The following PRKN variants were observed in gnomAD, a reference collection of about 807,000 sequenced individuals.
PRKN encodes E3 ubiquitin-protein ligase parkin.
Under a neutral mutation model 59.5 loss-of-function variants are expected in PRKN, and 56 were observed. The observed-to-expected ratio is 0.94, with a 90% confidence interval of 0.76 to 1.18. The LOEUF (loss-of-function observed/expected upper bound fraction) is 1.18, where lower values mean the gene tolerates loss of function less well. Ranked by LOEUF, PRKN falls within the 50% of genes most tolerant of loss-of-function variation. PRKN has a pLI of 0.00. For synonymous variants in PRKN, 250 were observed against 222.1 expected (o/e 1.13, Z -1.12); for missense variants, 657 against 596.4 (o/e 1.10, Z -1.06).
At chr6:161,930,586 G>T (rs182435980) in intron 6 of PRKN, among the ~76,000 whole-genome samples, 1 of 152,300 alleles carries the variant, frequency 6.6e-6, no homozygotes, top group Admixed American at 6.5e-5. Flanking sequence ...ATGTATTGCT[G>T]AATAATCCTG....
chr6:161,652,043 A>G (rs1784168202), intron 7 of PRKN, among the ~76,000 whole-genome samples: 1 of 152,194 alleles, frequency 6.6e-6, no homozygotes, highest in Non-Finnish European at 1.5e-5. Context: ...TTCATCCCTC[A>G]TCTTATTATC....
chr6:162,533,909 T>A (rs1467355866), intron 1 of PRKN, among the ~76,000 whole-genome samples: 2 of 147,456 alleles, frequency 1.4e-5, no homozygotes, highest in African/African-American at 5.0e-5. Flanking sequence ...AGGCAGAGGT[T>A]GCAGTGAGCC....
At chr6:162,424,486 A>T (rs1387959220) in intron 2 of PRKN, among the ~76,000 whole-genome samples, 3 of 152,126 alleles carry the variant, frequency 2.0e-5, no homozygotes. Context: ...TTGTAATCCC[A>T]GCACTTTGGG....
Position 161,518,772 on chromosome 6 carries a change from CCT to C in PRKN, c.1083+30080_1083+30081del, listed in dbSNP as rs1778710785. On this transcript the variant is annotated intron_variant, in intron 9 of 11. Transcript: ENST00000366898. The surrounding 1 kb of genome is among the most constrained non-coding windows in gnomAD (Gnocchi z 5.0). ...GATACTTGGCTATGCATCCCATCCA[CCT>C]CTAGCAGCCCCTGGCAGCTGCCTTG... is the stretch of plus-strand genomic sequence containing the variant. Among the ~76,000 whole-genome samples, 1 of 152,172 alleles carries C rather than the reference CCT, an allele frequency of 6.6e-6. No individual in the cohort carries two copies. The highest frequency in any genetic ancestry group is 2.4e-5 in the African/African-American group (1 of 41,448).
At chr6:161,668,841 C>T (rs1784812000) in intron 7 of PRKN, among the ~76,000 whole-genome samples, 2 of 152,178 alleles carry the variant, frequency 1.3e-5, no homozygotes, top group African/African-American at 4.8e-5. Context: ...CTGTCTATCT[C>T]ACCCACATCC....
In PRKN at chr6:161,458,488, C is replaced by T. The variant is rs1407520914; in HGVS notation, c.1084-71611G>A. On this transcript the variant is annotated intron_variant, in intron 9 of 11. Coordinates refer to ENST00000366898, the MANE Select transcript of PRKN (RefSeq NM_004562.3). The surrounding 1 kb of genome is among the most constrained non-coding windows in gnomAD (Gnocchi z 6.1). ...GGCTGCCTGTCTCCTAAAATGTCTG[C>T]ATGCTGTTTACTGCAGAGCCAGTGT... 6.6e-6 allele frequency among the ~76,000 whole-genome samples: 1 copy of T among 152,168 alleles called. No homozygotes were observed. Among genetic ancestry groups the T allele is most frequent in the Non-Finnish European group, 1.5e-5 (1 of 68,042 alleles).
At chr6:162,600,955 CG>C (rs1302986230) in intron 1 of PRKN, among the ~76,000 whole-genome samples, 2 of 152,082 alleles carry the variant, frequency 1.3e-5, no homozygotes, top group Non-Finnish European at 2.9e-5. Context: ...TTTATAGTAG[CG>C]TAAGAATGGA....
At chr6:162,671,267 G>A (rs896343459) in intron 1 of PRKN, among the ~76,000 whole-genome samples, 8 of 152,076 alleles carry the variant, frequency 5.3e-5, no homozygotes, top group South Asian at 2.1e-4. Flanking sequence ...TTGGGAGGCC[G>A]AGGCGGGTGG....
chr6:162,231,887 A>C (rs1161437850), intron 3 of PRKN, among the ~76,000 whole-genome samples: 1 of 152,170 alleles, frequency 6.6e-6, no homozygotes, highest in Non-Finnish European at 1.5e-5. Context: ...AAGGAAATGC[A>C]GTGCTCTGTA....
At chr6:162,009,060 C>T (rs546468335) in intron 5 of PRKN, among the ~76,000 whole-genome samples, 26 of 151,954 alleles carry the variant, frequency 1.7e-4, no homozygotes, top group South Asian at 1.2e-3. Flanking sequence ...CAAGACCATC[C>T]TGGCCAACAC....
chr6:161,617,449 ATGC>A (rs1316587140), intron 7 of PRKN, among the ~76,000 whole-genome samples: 3 of 152,208 alleles, frequency 2.0e-5, no homozygotes, highest in Non-Finnish European at 4.4e-5. Flanking sequence ...AATCAGGAAA[ATGC>A]TGATGAGAAG....
At chr6:161,608,553 G>T (rs1782371441) in intron 7 of PRKN, among the ~76,000 whole-genome samples, 1 of 150,048 alleles carries the variant, frequency 6.7e-6, no homozygotes, top group Admixed American at 6.6e-5. Context: ...TTTTTTTTTA[G>T]ACAGAGTCTC....
At chr6:161,625,665 C>T (rs551301568) in intron 7 of PRKN, among the ~76,000 whole-genome samples, 17 of 152,300 alleles carry the variant, frequency 1.1e-4, no homozygotes, top group East Asian at 3.9e-4. Context: ...GTGGCGGCTA[C>T]GTAGAACCAC....
intron 6 of PRKN, among the ~76,000 whole-genome samples, chr6:161,956,418 A>G (rs1003975953): frequency 3.9e-5 from 6 of 152,188 alleles, no homozygotes; most frequent in Non-Finnish European, 8.8e-5. Flanking sequence ...GAGGAGAGAA[A>G]AGTCTGTGCC....
chr6:161,597,889 G>C (rs528318149), intron 7 of PRKN, among the ~76,000 whole-genome samples: 2 of 152,086 alleles, frequency 1.3e-5, no homozygotes, highest in Non-Finnish European at 2.9e-5. Flanking sequence ...ACATGTGTGC[G>C]TACACACAGT....
chr6:162,365,300 A>G (rs1785375644), intron 2 of PRKN, among the ~76,000 whole-genome samples: 1 of 152,162 alleles, frequency 6.6e-6, no homozygotes, highest in Non-Finnish European at 1.5e-5. Context: ...CATGATTCAC[A>G]TTCTTCCATG....
chr6:161,480,679 GAAGGT>G lies in PRKN; in HGVS notation c.1083+68170_1083+68174del, dbSNP rs933556115. 3.9e-5 allele frequency among the ~76,000 whole-genome samples: 6 copies of G among 152,172 alleles called. No homozygotes were observed. Among genetic ancestry groups the G allele is most frequent in the Non-Finnish European group, 7.3e-5 (5 of 68,032 alleles). ...AATCACCTAACTGGAACCTTCAATG[GAAGGT>G]AAGAAAGAGTTAACGTCTAACCCAT... On this transcript the variant is annotated intron_variant, in intron 9 of 11. Coordinates refer to ENST00000366898, the MANE Select transcript of PRKN (RefSeq NM_004562.3). This position sits in a 1 kb window ranked among gnomAD's most constrained non-coding sequence, Gnocchi z 4.1.
At chr6:162,368,304 A>G (rs911136303) in intron 2 of PRKN, among the ~76,000 whole-genome samples, 3 of 152,186 alleles carry the variant, frequency 2.0e-5, no homozygotes, top group African/African-American at 7.2e-5. Flanking sequence ...TTTTTAGAGC[A>G]GTTACCAGGA....
rs117092501 is a variant in PRKN, at chr6:162,657,502, A to G, written c.7+70160T>C. Among the ~76,000 whole-genome samples the G allele has an allele frequency of 1.4e-3, 213 of 152,308 alleles. 5 individuals carry two copies. The East Asian group carries it at 0.036, about 26-fold the overall frequency. The stretch of plus-strand genomic sequence containing the variant: ...CAACAATTACTAAATTTAAAAAAAT[A>G]CAGGAAACTAAGCAACAAAAAGTTC... On this transcript the variant is annotated intron_variant, in intron 1 of 11. Coordinates refer to ENST00000366898, the MANE Select transcript of PRKN (RefSeq NM_004562.3).
Sources: gnomAD v4.1 joint callset for allele counts (sites outside exome capture counted in the v4.1 genomes callset) on GRCh38, gnomAD v4.1.1 for gene constraint, Gnocchi (gnomAD v3.1) non-coding constraint, MANE v1.5 for transcripts, NCBI Gene and HGNC (gene_info 2026-07-23, HGNC 2026-07-21) for gene names.